PPARG: variants seen among roughly 807,000 people sequenced by gnomAD.
PPARG encodes peroxisome proliferator-activated receptor gamma.
A neutral mutation model predicts 39.2 loss-of-function variants in PPARG; 17 were observed. The ratio of observed to expected loss-of-function variants is 0.43; its 90% CI spans 0.30 to 0.65. PPARG has a LOEUF of 0.65. Among genes scored for constraint, PPARG ranks in the 30% least tolerant of loss-of-function variants. The pLI is 0.13. For missense variants in PPARG, 406 were observed against 585.9 expected (o/e 0.69, Z 3.17); for synonymous variants, 223 against 215.7 (o/e 1.03, Z -0.30).
rs1022354892 is a variant in PPARG at position 12,315,006 on chromosome 3, A to G, written c.-9+2553A>G. 2.6e-5 allele frequency among the ~76,000 whole-genome samples: 4 copies of G among 152,268 alleles called. 1 individual carries two copies. The highest frequency in any genetic ancestry group is 2.6e-4 in the Admixed American group (4 of 15,294). The stretch of plus-strand genomic sequence containing the variant: ...TGCTCTTCTAGCTATTGGAAAATAT[A>G]CGATAGGTTGCTGTTAATTATATTT... On this transcript the variant is annotated intron_variant, in intron 2 of 7. Transcript: ENST00000651735.
intron 6 of PPARG, among the ~76,000 whole-genome samples, chr3:12,408,567 C>CTTTTTTTTTT (rs397945616): frequency 6.5e-4 from 74 of 113,182 alleles, no homozygotes; most frequent in East Asian, 1.2e-3. Flanking sequence ...CTTTTCTTTT[C>CTTTTTTTTTT]TTTTTTTTTT....
At chr3:12,398,505 T>C (rs1455255997) in intron 5 of PPARG, among the ~76,000 whole-genome samples, 1 of 152,110 alleles carries the variant, frequency 6.6e-6, no homozygotes, top group Non-Finnish European at 1.5e-5. Flanking sequence ...TAGAGGAATA[T>C]AGGAGGATGT....
Position 12,434,163 on chromosome 3 carries a change from C to T in PPARG, c.*18C>T. On this transcript the variant is annotated 3_prime_UTR_variant, in exon 8 of 8. Transcript: ENST00000651735. This position sits in a 1 kb window ranked among gnomAD's most constrained non-coding sequence, Gnocchi z 4.2. ...TGTACTAGCAGAGAGTCCTGAGCCA[C>T]TGCCAACATTTCCCTTCTTCCAGTT... 6.2e-7 allele frequency: 1 copy of T among 1,614,202 alleles called. No individual in the cohort carries two copies. The highest frequency in any genetic ancestry group is 8.5e-7 in the Non-Finnish European group (1 of 1,180,036).
chr3:12,328,977 C>T (rs1178325852), intron 2 of PPARG, among the ~76,000 whole-genome samples: 2 of 152,142 alleles, frequency 1.3e-5, no homozygotes, highest in African/African-American at 4.8e-5. Flanking sequence ...ATAAGATGGA[C>T]GCCGTAATCC....
At chr3:12,428,188 A>C (rs989559386) in intron 7 of PPARG, among the ~76,000 whole-genome samples, 1 of 152,234 alleles carries the variant, frequency 6.6e-6, no homozygotes, top group Non-Finnish European at 1.5e-5. Flanking sequence ...GCTTCAGATA[A>C]ACCCTCCACT....
intron 2 of PPARG, among the ~76,000 whole-genome samples, chr3:12,329,150 A>G (rs1433073917): frequency 7.1e-6 from 1 of 141,244 alleles, no homozygotes; most frequent in African/African-American, 2.6e-5. Flanking sequence ...AACAAGGACA[A>G]TAAATACTCA....
rs919509479 is a variant in PPARG at position 12,307,364 on chromosome 3, A to T, written c.-82-5016A>T. 2.9e-4 allele frequency among the ~76,000 whole-genome samples: 44 copies of T among 152,198 alleles called. 1 individual carries two copies. Among genetic ancestry groups the T allele is most frequent in the African/African-American group, 9.9e-4 (41 of 41,456 alleles). On this transcript the variant is annotated intron_variant, in intron 1 of 7. Coordinates refer to ENST00000651735, the MANE Select transcript of PPARG (RefSeq NM_138711.6). ...TATTTACTTGCATAGGACAAAAATT[A>T]GTCATTTGTGAGTGTTCACATACTT... is the stretch of plus-strand genomic sequence containing the variant.
rs747071642 is a variant in PPARG at position 12,379,946 on chromosome 3, T to C, written c.220+15T>C. ...AGAGTACCAAAGTATGATGTTTATT[T>C]TCACTTTTCAGACTACTAGGACTAG... On this transcript the variant is annotated intron_variant, in intron 3 of 7. Transcript: ENST00000651735. 1.5e-5 allele frequency: 24 copies of C among 1,569,610 alleles called. No homozygotes were observed. The African/African-American group carries it at 3.0e-4, about 19-fold the overall frequency.
At chr3:12,423,865 G>T (rs927067731) in intron 7 of PPARG, among the ~76,000 whole-genome samples, 8 of 152,186 alleles carry the variant, frequency 5.3e-5, no homozygotes, top group Non-Finnish European at 1.2e-4. Context: ...TCTTGAGCAG[G>T]ACAACAGCCA....
intron 2 of PPARG, among the ~76,000 whole-genome samples, chr3:12,327,453 G>A (rs760450244): frequency 2.0e-5 from 3 of 152,128 alleles, no homozygotes; most frequent in African/African-American, 4.8e-5. Flanking sequence ...ATGAGTAGTC[G>A]CCTTTTTCCA....
intron 7 of PPARG, among the ~76,000 whole-genome samples, chr3:12,429,038 T>G (rs2051557902): frequency 6.6e-6 from 1 of 152,220 alleles, no homozygotes; most frequent in Non-Finnish European, 1.5e-5. Context: ...AGATGTAGAA[T>G]ATGCAACTTT....
At chr3:12,324,421 T>A (rs1294953787) in intron 2 of PPARG, among the ~76,000 whole-genome samples, 1 of 152,142 alleles carries the variant, frequency 6.6e-6, no homozygotes, top group Non-Finnish European at 1.5e-5. Context: ...CAGGCAAGAA[T>A]AGATGTATAA....
intron 2 of PPARG, among the ~76,000 whole-genome samples, chr3:12,332,948 T>C (rs1217036078): frequency 1.3e-5 from 2 of 152,176 alleles, no homozygotes; most frequent in African/African-American, 2.4e-5. Flanking sequence ...GGAGGATCGC[T>C]TGAGCCCGGG....
intron 5 of PPARG, among the ~76,000 whole-genome samples, chr3:12,393,142 G>A (rs1261577385): frequency 6.8e-6 from 1 of 148,020 alleles, no homozygotes; most frequent in Non-Finnish European, 1.5e-5. Flanking sequence ...TCCTGAAGAT[G>A]TCTGGGTCTG....
At chr3:12,296,692 T>C (rs974356162) in intron 1 of PPARG, among the ~76,000 whole-genome samples, 2 of 152,196 alleles carry the variant, frequency 1.3e-5, no homozygotes, top group African/African-American at 4.8e-5. Context: ...GGCTCACTAA[T>C]TAGACCTTGC....
intron 2 of PPARG, among the ~76,000 whole-genome samples, chr3:12,318,947 T>C (rs2047465088): frequency 6.6e-6 from 1 of 152,178 alleles, no homozygotes; most frequent in African/African-American, 2.4e-5. Flanking sequence ...AGTTAGATAT[T>C]TTTAACCTTT....
At position 12,434,031 on chromosome 3, in the gene PPARG, A is replaced by G; in HGVS notation, c.1314A>G (p.Thr438=). The G allele has an allele frequency of 1.2e-6, 2 of 1,614,232 alleles. No homozygotes were observed. The highest frequency in any genetic ancestry group is 1.7e-6 in the Non-Finnish European group (2 of 1,180,040). Residue 438 remains threonine, a synonymous_variant, in exon 8 of 8, where the codon ACA becomes ACG. Transcript: ENST00000651735. The surrounding 1 kb of genome is among the most constrained non-coding windows in gnomAD (Gnocchi z 4.2). ...TTGCCAAGCTGCTCCAGAAAATGAC[A>G]GACCTCAGACAGATTGTCACGGAAC... ...QLFAKLLQKM[T]DLRQIVTEHV... is the part of the protein sequence containing the mutation.
intron 5 of PPARG, among the ~76,000 whole-genome samples, chr3:12,397,316 A>T (rs996849611): frequency 3.3e-5 from 5 of 150,836 alleles, no homozygotes; most frequent in Non-Finnish European, 7.4e-5. Flanking sequence ...GCTCTAGTGT[A>T]TATTGAGAAA....
intron 6 of PPARG, among the ~76,000 whole-genome samples, chr3:12,413,932 G>T (rs1454267806): frequency 3.3e-5 from 5 of 152,126 alleles, no homozygotes; most frequent in African/African-American, 9.7e-5. Flanking sequence ...ATTGCCAAGG[G>T]GTTAAAGTCA....
Sources: gnomAD v4.1 joint callset for allele counts (sites outside exome capture counted in the v4.1 genomes callset) on GRCh38, gnomAD v4.1.1 for gene constraint, Gnocchi (gnomAD v3.1) non-coding constraint, MANE v1.5 for transcripts, NCBI Gene and HGNC (gene_info 2026-07-23, HGNC 2026-07-21) for gene names.